CCDC192: variants seen among roughly 807,000 people sequenced by gnomAD.
CCDC192 encodes coiled-coil domain-containing protein 192.
chr5:127,920,407 C>CTTTTTTT (rs11388727), intron 6 of CCDC192, among the ~76,000 whole-genome samples: 1 of 115,826 alleles, frequency 8.6e-6, no homozygotes, highest in Admixed American at 8.9e-5. Context: ...ACTGAAGAGG[C>CTTTTTTT]TTTTTTTTTT....
chr5:127,934,109 C>T (rs765934948), intron 6 of CCDC192, among the ~76,000 whole-genome samples: 11 of 152,236 alleles, frequency 7.2e-5, no homozygotes. Context: ...TACAGGCTCT[C>T]TGATCCACTG....
At chr5:127,757,081 G>A (rs1457448554) in intron 3 of CCDC192, among the ~76,000 whole-genome samples, 1 of 152,164 alleles carries the variant, frequency 6.6e-6, no homozygotes, top group Non-Finnish European at 1.5e-5. Context: ...CATAAGTAAG[G>A]TGCTGGTTAG....
chr5:127,817,824 G>T (rs1303998178), intron 5 of CCDC192, among the ~76,000 whole-genome samples: 1 of 152,068 alleles, frequency 6.6e-6, no homozygotes, highest in Admixed American at 6.6e-5. Flanking sequence ...GAATCTAAAT[G>T]CATATCTAGG....
chr5:127,796,350 A>C (rs1757164890), intron 3 of CCDC192, among the ~76,000 whole-genome samples: 1 of 152,204 alleles, frequency 6.6e-6, no homozygotes, highest in Non-Finnish European at 1.5e-5. Context: ...ATGCCCTGGG[A>C]GTTGCAGTGA....
At chr5:127,924,021 G>T (rs1379128291) in intron 6 of CCDC192, among the ~76,000 whole-genome samples, 1 of 152,190 alleles carries the variant, frequency 6.6e-6, no homozygotes, top group African/African-American at 2.4e-5. Context: ...TGTATAAGTT[G>T]CTGATAGTCA....
chr5:127,737,967 G>A (rs1402253480), intron 2 of CCDC192, among the ~76,000 whole-genome samples: 2 of 151,218 alleles, frequency 1.3e-5, no homozygotes, highest in African/African-American at 2.4e-5. Context: ...ATTTGATCCT[G>A]TCATTATGAT....
intron 3 of CCDC192, among the ~76,000 whole-genome samples, chr5:127,789,050 T>G (rs548232729): frequency 1.6e-4 from 24 of 152,296 alleles, no homozygotes; most frequent in African/African-American, 5.8e-4. Flanking sequence ...GACACTGAAT[T>G]TTTTGTCACT....
At chr5:127,836,485 C>T (rs1025211319) in intron 5 of CCDC192, among the ~76,000 whole-genome samples, 3 of 152,210 alleles carry the variant, frequency 2.0e-5, no homozygotes, top group Admixed American at 6.5e-5. Context: ...GGGCTCCAAT[C>T]CCACATTTCC....
At chr5:127,831,893 A>G (rs1749812629) in intron 5 of CCDC192, among the ~76,000 whole-genome samples, 1 of 152,140 alleles carries the variant, frequency 6.6e-6, no homozygotes, top group Admixed American at 6.5e-5. Flanking sequence ...AAGGAAAATC[A>G]AAACATTAAT....
intron 3 of CCDC192, among the ~76,000 whole-genome samples, chr5:127,764,838 G>A (rs979520358): frequency 6.6e-6 from 1 of 152,144 alleles, no homozygotes; most frequent in African/African-American, 2.4e-5. Context: ...TGTGGCCCAC[G>A]GGCTGCAGGT....
intron 5 of CCDC192, among the ~76,000 whole-genome samples, chr5:127,833,441 C>T (rs1220913617): frequency 6.6e-6 from 1 of 152,114 alleles, no homozygotes; most frequent in Non-Finnish European, 1.5e-5. Context: ...GTTTATATTA[C>T]ATTATAAATA....
intron 5 of CCDC192, among the ~76,000 whole-genome samples, chr5:127,833,036 C>T (rs533456567): frequency 6.6e-5 from 10 of 152,116 alleles, no homozygotes; most frequent in Admixed American, 4.6e-4. Context: ...AAAGGCTTAG[C>T]CCTCTTGTAA....
chr5:127,738,144 A>G (rs935901973), intron 2 of CCDC192, among the ~76,000 whole-genome samples: 2 of 151,686 alleles, frequency 1.3e-5, no homozygotes, highest in African/African-American at 4.9e-5. Flanking sequence ...AAAATCTCTC[A>G]GCATTTGCTT....
chr5:127,834,052 C>T (rs1561514029), intron 5 of CCDC192, among the ~76,000 whole-genome samples: 1 of 152,160 alleles, frequency 6.6e-6, no homozygotes, highest in Non-Finnish European at 1.5e-5. Context: ...TCTCTTCCCT[C>T]TTCCTATTTG....
chr5:127,833,186 G>A (rs115184331), intron 5 of CCDC192, among the ~76,000 whole-genome samples: 346 of 152,076 alleles, frequency 2.3e-3, no homozygotes, highest in African/African-American at 8.0e-3. Flanking sequence ...TCACTAATGG[G>A]TTGATAATAG....
chr5:127,901,293 C>G (rs542812070), intron 6 of CCDC192, among the ~76,000 whole-genome samples: 3 of 152,046 alleles, frequency 2.0e-5, no homozygotes, highest in Non-Finnish European at 2.9e-5. Flanking sequence ...AAAATTATTC[C>G]TAAATAATAA....
intron 5 of CCDC192, among the ~76,000 whole-genome samples, chr5:127,861,792 G>A (rs1038330732): frequency 6.6e-6 from 1 of 152,078 alleles, no homozygotes. Flanking sequence ...ATCCCATTTG[G>A]CATTTGGAGA....
At position 127,716,750 on chromosome 5, in the gene CCDC192, T is replaced by C. The variant is rs116432070; in HGVS notation, c.114+8990T>C. ...TCCTTCTTCATAGGATTAACCTTCA[T>C]TCAATGACTTCTGATGCAGGGCCAT... On this transcript the variant is annotated intron_variant, in intron 2 of 6. Transcript: ENST00000514853. 5.8e-4 allele frequency among the ~76,000 whole-genome samples: 89 copies of C among 152,318 alleles called. 1 individual carries two copies. The highest frequency in any genetic ancestry group is 2.1e-3 in the African/African-American group (86 of 41,582).
chr5:127,738,354 GC>G (rs979902947), intron 2 of CCDC192, among the ~76,000 whole-genome samples: 2 of 125,234 alleles, frequency 1.6e-5, no homozygotes, highest in Non-Finnish European at 3.3e-5. Flanking sequence ...CTCTCTGGCT[GC>G]CCTTAACATT....
Sources: allele counts gnomAD v4.1 joint callset (sites outside exome capture counted in the v4.1 genomes callset), GRCh38; gene constraint gnomAD v4.1.1; transcripts MANE v1.5; gene names NCBI Gene and HGNC (gene_info 2026-07-23, HGNC 2026-07-21).